HIVEP3: variants seen among roughly 807,000 people sequenced by gnomAD.
HIVEP3 encodes HIVEP zinc finger 3, also known as transcription factor HIVEP3.
Under a neutral mutation model 152.8 loss-of-function variants are expected in HIVEP3, and 49 were observed. The observed-to-expected ratio is 0.32, with a 90% confidence interval of 0.26 to 0.41. HIVEP3 has a LOEUF of 0.41. Among genes scored for constraint, HIVEP3 ranks in the 10% least tolerant of loss-of-function variants. The pLI, the probability that HIVEP3 is intolerant of heterozygous loss-of-function variation, is 1.00. For missense variants in HIVEP3, 2,790 were observed against 3,103.3 expected (o/e 0.90, Z 2.40); for synonymous variants, 1,269 against 1,289.0 (o/e 0.98, Z 0.33).
chr1:41,674,408 A>C (rs905630439), intron 2 of HIVEP3, among the ~76,000 whole-genome samples: 1 of 152,152 alleles, frequency 6.6e-6, no homozygotes, highest in Admixed American at 6.5e-5. Flanking sequence ...ATTCATGCTT[A>C]CAGCCTGTCC....
chr1:41,670,850 G>A lies in HIVEP3; in HGVS notation c.-721+30066C>T, dbSNP rs1270503357. ...CGTCGGGCATATTACACAGGGCCTG[G>A]CAGGCCACCGTGAGAGCTGTGGCTT... On this transcript the variant is annotated intron_variant, in intron 2 of 8. Coordinates refer to ENST00000372583, the MANE Select transcript of HIVEP3 (RefSeq NM_024503.5). Among the ~76,000 whole-genome samples the A allele has an allele frequency of 1.3e-5, 2 of 152,202 alleles. 1 individual carries two copies. Among genetic ancestry groups the A allele is most frequent in the Non-Finnish European group, 2.9e-5 (2 of 68,022 alleles).
intron 1 of HIVEP3, among the ~76,000 whole-genome samples, chr1:41,735,988 C>T (rs1006942217): frequency 1.8e-4 from 27 of 152,254 alleles, no homozygotes; most frequent in African/African-American, 6.3e-4. Context: ...ATCAAAGTGA[C>T]AACCCATTAA....
In HIVEP3 at chr1:41,700,831, A is replaced by G. The variant is rs555001636; in HGVS notation, c.-721+85T>C. 5.9e-6 allele frequency: 3 copies of G among 512,128 alleles called. No homozygotes were observed. The South Asian group carries it at 2.5e-4, about 43-fold the overall frequency. The allele number at this position is 512,128 out of a possible 1,614,324, so 31.7% of individuals were successfully genotyped here. ...CCCGAGGCTAAGGTCATTCCTGTCTACCTCCTGGCCTCAAAACACAGCCTA... is the reference window on the plus strand; with the variant it reads ...CCCGAGGCTAAGGTCATTCCTGTCTGCCTCCTGGCCTCAAAACACAGCCTA... On this transcript the variant is annotated intron_variant, in intron 2 of 8. Coordinates refer to ENST00000372583, the MANE Select transcript of HIVEP3 (RefSeq NM_024503.5).
At chr1:41,755,041 T>C (rs540626158) in intron 1 of HIVEP3, among the ~76,000 whole-genome samples, 3 of 152,354 alleles carry the variant, frequency 2.0e-5, no homozygotes, top group African/African-American at 7.2e-5. Context: ...AGCATCACTT[T>C]ACCTGATGTT....
intron 1 of HIVEP3, among the ~76,000 whole-genome samples, chr1:41,740,146 G>A (rs1163399316): frequency 1.3e-5 from 2 of 152,222 alleles, no homozygotes; most frequent in Non-Finnish European, 2.9e-5. Flanking sequence ...CACATTGCTG[G>A]CCAGTGGACG....
intron 1 of HIVEP3, among the ~76,000 whole-genome samples, chr1:41,718,100 C>T (rs140281394): frequency 0.015 from 2,214 of 152,358 alleles, 26 homozygotes; most frequent in Non-Finnish European, 0.018. Context: ...CCCCCAAGCA[C>T]GGCTTCTCCA....
Position 41,527,711 on chromosome 1 carries a change from C to A in HIVEP3, c.5208-2801G>T, listed in dbSNP as rs1277922702. On this transcript the variant is annotated intron_variant, in intron 5 of 8. Transcript: ENST00000372583. The stretch of plus-strand genomic sequence containing the variant: ...ATGCTCACCCTCACACACCCCCACC[C>A]TCACATGCTCACCCTCACACATGCA... 2.8e-4 allele frequency among the ~76,000 whole-genome samples: 41 copies of A among 148,198 alleles called. 1 individual carries two copies. Among genetic ancestry groups the A allele is most frequent in the Non-Finnish European group, 3.0e-5 (2 of 66,938 alleles).
At chr1:41,637,842 C>T (rs528749773) in intron 2 of HIVEP3, among the ~76,000 whole-genome samples, 7 of 152,102 alleles carry the variant, frequency 4.6e-5, no homozygotes, top group South Asian at 4.2e-4. Flanking sequence ...AGGGGTTGTC[C>T]GGAACTGGGG....
At chr1:41,781,756 T>C (rs59149247) in intron 1 of HIVEP3, among the ~76,000 whole-genome samples, 24,543 of 152,192 alleles carry the variant, frequency 0.16, 4,330 homozygotes, top group African/African-American at 0.44. Context: ...GCCTAGCTAC[T>C]TGCAGGCTTG....
chr1:41,625,352 GA>G (rs1311267942), intron 3 of HIVEP3, among the ~76,000 whole-genome samples: 1 of 152,072 alleles, frequency 6.6e-6, no homozygotes, highest in Non-Finnish European at 1.5e-5. Flanking sequence ...TAGATTTTGT[GA>G]AACAGACAGT....
Position 41,644,693 on chromosome 1 carries a change from C to CTTTTTTTT in HIVEP3, c.-720-15754_-720-15747dup, listed in dbSNP as rs60511656. Among the ~76,000 whole-genome samples, 83 of 74,678 alleles carry CTTTTTTTT rather than the reference C, an allele frequency of 1.1e-3. 3 individuals are homozygous for CTTTTTTTT. The highest frequency in any genetic ancestry group is 0.017 in the Middle Eastern group (1 of 60). 49.0% of individuals were successfully genotyped at this position (74,678 alleles called of 152,430 possible). A position where few individuals can be genotyped will look rare whatever the true frequency, so the allele number is the denominator to read the frequency against. ...TTTAAAGCACACTTGCATATCTGTTCTTTTTTTTTTTTTTTTTTTTTTTTG... is the reference window on the plus strand; with the variant it reads ...TTTAAAGCACACTTGCATATCTGTTCTTTTTTTTTTTTTTTTTTTTTTTTTTTTTTTTG... On this transcript the variant is annotated intron_variant, in intron 2 of 8. Coordinates refer to ENST00000372583, the MANE Select transcript of HIVEP3 (RefSeq NM_024503.5).
chr1:41,648,291 C>T (rs1645491649), intron 2 of HIVEP3, among the ~76,000 whole-genome samples: 1 of 152,214 alleles, frequency 6.6e-6, no homozygotes, highest in African/African-American at 2.4e-5. Flanking sequence ...CACCTCCTAC[C>T]TGCTGGGCAC....
chr1:41,655,499 C>T (rs1036741435), intron 2 of HIVEP3, among the ~76,000 whole-genome samples: 4 of 141,420 alleles, frequency 2.8e-5, no homozygotes, highest in African/African-American at 1.1e-4. Flanking sequence ...GACAGAATTG[C>T]TTGAACCCAG....
chr1:41,679,276 T>A (rs1646002822), intron 2 of HIVEP3, among the ~76,000 whole-genome samples: 1 of 152,106 alleles, frequency 6.6e-6, no homozygotes, highest in South Asian at 2.1e-4. Context: ...ATTTTGCAGA[T>A]GAGGAAGCTG....
At position 41,584,987 on chromosome 1, in the gene HIVEP3, T is replaced by C; in HGVS notation, c.-190A>G. ...CTGTGAGTGGACTCGGAGCAGGTCA[T>C]CAGGGCCCACGCTATTCTATTGGTG... is the stretch of plus-strand genomic sequence containing the variant. On this transcript the variant is annotated 5_prime_UTR_variant, in exon 4 of 9. The change abolishes an upstream ATG in the 5' untranslated region. Transcript: ENST00000372583. The surrounding 1 kb of genome is among the most constrained non-coding windows in gnomAD (Gnocchi z 5.2). The C allele has an allele frequency of 2.2e-6, 1 of 449,818 alleles. No homozygotes were observed. The highest frequency in any genetic ancestry group is 8.1e-5 in the South Asian group (1 of 12,344). The allele number at this position is 449,818 out of a possible 1,614,324, so 27.9% of individuals were successfully genotyped here. A position where few individuals can be genotyped will look rare whatever the true frequency, so the allele number is the denominator to read the frequency against.
At chr1:41,711,612 G>A (rs1399278553) in intron 1 of HIVEP3, among the ~76,000 whole-genome samples, 1 of 152,212 alleles carries the variant, frequency 6.6e-6, no homozygotes, top group East Asian at 1.9e-4. Context: ...CCTTTGTGAA[G>A]ACATATGAAA....
chr1:42,020,198 T>C (rs1033664901), intron 1 of HIVEP3, among the ~76,000 whole-genome samples: 2 of 152,096 alleles, frequency 1.3e-5, no homozygotes, highest in East Asian at 1.9e-4. Flanking sequence ...TTTGATATAA[T>C]GTTTTTTCTT....
At chr1:41,859,887 G>A (rs1276952666) in intron 1 of HIVEP3, among the ~76,000 whole-genome samples, 13 of 152,168 alleles carry the variant, frequency 8.5e-5, no homozygotes, top group African/African-American at 3.1e-4. Context: ...AGCAGAGTAG[G>A]TGGCCTCAAA....
At chr1:41,978,223 G>A (rs1645272066) in intron 1 of HIVEP3, among the ~76,000 whole-genome samples, 1 of 152,148 alleles carries the variant, frequency 6.6e-6, no homozygotes, top group South Asian at 2.1e-4. Context: ...CTCAACCCTT[G>A]TGGATCTCCA....
Sources: allele counts gnomAD v4.1 joint callset (sites outside exome capture counted in the v4.1 genomes callset), GRCh38; gene constraint gnomAD v4.1.1; non-coding constraint Gnocchi (gnomAD v3.1); transcripts MANE v1.5; gene names NCBI Gene and HGNC (gene_info 2026-07-23, HGNC 2026-07-21).